RTN1: variants seen among roughly 807,000 people sequenced by gnomAD.
RTN1 encodes the protein reticulon-1.
RTN1 carries 25 observed loss-of-function variants against 65.5 expected under a neutral mutation model. That is an observed-to-expected ratio of 0.38 (90% CI 0.28 to 0.53). RTN1 has a LOEUF of 0.53. Among genes scored for constraint, RTN1 ranks in the 20% least tolerant of loss-of-function variants. The probability of loss-of-function intolerance (pLI) is 0.79; values close to 1 mark genes in which losing one functional copy is unlikely to be tolerated. For synonymous variants in RTN1, 471 were observed against 447.6 expected (o/e 1.05, Z -0.66); for missense variants, 983 against 1,025.4 (o/e 0.96, Z 0.57).
chr14:59,707,207 GA>G (rs1321655793), intron 3 of RTN1, among the ~76,000 whole-genome samples: 1 of 152,160 alleles, frequency 6.6e-6, no homozygotes, highest in Non-Finnish European at 1.5e-5. Context: ...GGTTAATGTT[GA>G]AACATAATTA....
At chr14:59,789,325 T>C (rs1886306437) in intron 1 of RTN1, among the ~76,000 whole-genome samples, 1 of 152,146 alleles carries the variant, frequency 6.6e-6, no homozygotes, top group Admixed American at 6.6e-5. Flanking sequence ...TTTAATGTTG[T>C]ATGATATATG....
At chr14:59,848,953 C>T (rs1202182475) in intron 1 of RTN1, among the ~76,000 whole-genome samples, 1 of 151,096 alleles carries the variant, frequency 6.6e-6, no homozygotes, top group South Asian at 2.1e-4. Context: ...GTCCCCACCC[C>T]CCCGGGAAGA....
intron 3 of RTN1, among the ~76,000 whole-genome samples, chr14:59,614,498 C>A (rs1205621200): frequency 6.6e-6 from 1 of 152,088 alleles, no homozygotes; most frequent in Non-Finnish European, 1.5e-5. Context: ...AAAATAGAAA[C>A]TTTAATGCCG....
At position 59,766,087 on chromosome 14, in the gene RTN1, G is replaced by A. The variant is rs1194234446; in HGVS notation, c.242-19606C>T. On this transcript the variant is annotated intron_variant, in intron 1 of 8. Coordinates refer to ENST00000267484, the MANE Select transcript of RTN1 (RefSeq NM_021136.3). This position sits in a 1 kb window ranked among gnomAD's most constrained non-coding sequence, Gnocchi z 4.4. ...TCTACTAAAAATACAAAAATTAGTC[G>A]GGCTTGGTGGTACACACTTGTAGTC... is the stretch of plus-strand genomic sequence containing the variant. 2.0e-5 allele frequency among the ~76,000 whole-genome samples: 3 copies of A among 152,080 alleles called. No individual in the cohort carries two copies. The highest frequency in any genetic ancestry group is 4.4e-5 in the Non-Finnish European group (3 of 68,018).
At chr14:59,819,216 G>T (rs1886877365) in intron 1 of RTN1, among the ~76,000 whole-genome samples, 1 of 152,110 alleles carries the variant, frequency 6.6e-6, no homozygotes, top group Non-Finnish European at 1.5e-5. Context: ...GTGAGCAGCA[G>T]CAAGATTTAT....
rs1207438971 is a variant in RTN1 at position 59,751,427 on chromosome 14, G to T, written c.242-4946C>A. On this transcript the variant is annotated intron_variant, in intron 1 of 8. Coordinates refer to ENST00000267484, the MANE Select transcript of RTN1 (RefSeq NM_021136.3). ...CTCAGCTTATAGGTAGACCTCATTG[G>T]AGGCAGGGAAATCAACCCGAGATAG... Among the ~76,000 whole-genome samples the T allele has an allele frequency of 5.3e-5, 8 of 152,096 alleles. 1 individual carries two copies. The South Asian group carries it at 1.5e-3, about 28-fold the overall frequency.
At chr14:59,628,049 A>C (rs1320137676) in intron 3 of RTN1, among the ~76,000 whole-genome samples, 1 of 151,410 alleles carries the variant, frequency 6.6e-6, no homozygotes, top group Non-Finnish European at 1.5e-5. Flanking sequence ...ATTATTACAC[A>C]CCATGCCGGG....
At chr14:59,614,038 A>C (rs1882036298) in intron 3 of RTN1, among the ~76,000 whole-genome samples, 1 of 152,114 alleles carries the variant, frequency 6.6e-6, no homozygotes, top group African/African-American at 2.4e-5. Flanking sequence ...TAGGAGAAGC[A>C]TGCTCTTGGC....
chr14:59,608,040 T>C (rs1427203795), intron 3 of RTN1, among the ~76,000 whole-genome samples: 1 of 151,074 alleles, frequency 6.6e-6, no homozygotes, highest in Non-Finnish European at 1.5e-5. Flanking sequence ...GCATCCACCA[T>C]TCAGTTATTA....
intron 3 of RTN1, among the ~76,000 whole-genome samples, chr14:59,701,478 C>T (rs895814018): frequency 6.6e-6 from 1 of 152,116 alleles, no homozygotes; most frequent in African/African-American, 2.4e-5. Context: ...CAATGGAATA[C>T]TATTTTGCCA....
Position 59,749,552 on chromosome 14 carries a change from TAG to T in RTN1, c.242-3073_242-3072del, listed in dbSNP as rs569869948. Among the ~76,000 whole-genome samples, 173 of 46,142 alleles carry T rather than the reference TAG, an allele frequency of 3.7e-3. 51 individuals are homozygous for T. Among genetic ancestry groups the T allele is most frequent in the African/African-American group, 0.024 (137 of 5,810 alleles). The allele number at this position is 46,142 out of a possible 152,430, so 30.3% of individuals were successfully genotyped here. On this transcript the variant is annotated intron_variant, in intron 1 of 8. Transcript: ENST00000267484. Reference sequence around the variant, plus strand: ...ATATATCTATCTATATATATTTATATAGATATCTATATATAGATATATATATA... The same window carrying T: ...ATATATCTATCTATATATATTTATATATATCTATATATAGATATATATATA...
chr14:59,686,653 A>G lies in RTN1; in HGVS notation c.1765+40266T>C, dbSNP rs560082650. 2.1e-4 allele frequency among the ~76,000 whole-genome samples: 32 copies of G among 152,350 alleles called. 1 individual carries two copies. The South Asian group carries it at 5.8e-3, about 28-fold the overall frequency. ...TCGTGACAGTGTCTGTCTGATAAAC[A>G]TAAGTGAAGCCCCAGCACATGAGAG... is the stretch of plus-strand genomic sequence containing the variant. On this transcript the variant is annotated intron_variant, in intron 3 of 8. Coordinates refer to ENST00000267484, the MANE Select transcript of RTN1 (RefSeq NM_021136.3).
At chr14:59,812,135 A>C (rs1175663242) in intron 1 of RTN1, among the ~76,000 whole-genome samples, 1 of 152,210 alleles carries the variant, frequency 6.6e-6, no homozygotes, top group Non-Finnish European at 1.5e-5. Context: ...CCAGGATTGC[A>C]CAAACAGCTG....
At chr14:59,741,145 T>C (rs931213001) in intron 2 of RTN1, among the ~76,000 whole-genome samples, 6 of 152,196 alleles carry the variant, frequency 3.9e-5, no homozygotes, top group Non-Finnish European at 5.9e-5. Flanking sequence ...AGTCTGATCC[T>C]GCCACACTTC....
At chr14:59,772,675 G>T (rs1414582429) in intron 1 of RTN1, among the ~76,000 whole-genome samples, 1 of 152,024 alleles carries the variant, frequency 6.6e-6, no homozygotes, top group Non-Finnish European at 1.5e-5. Context: ...GGAGAGCCTG[G>T]GCTGTAGAAA....
Position 59,822,805 on chromosome 14 carries a change from G to T in RTN1, c.241+47585C>A, listed in dbSNP as rs192200121. Reference sequence around the variant, plus strand: ...CAGGTTGTTTAATTTCGATGTAATTGTATGGCTCTGAGTGATCTTGGTATT... The same window carrying T: ...CAGGTTGTTTAATTTCGATGTAATTTTATGGCTCTGAGTGATCTTGGTATT... On this transcript the variant is annotated intron_variant, in intron 1 of 8. Transcript: ENST00000267484. 1.2e-3 allele frequency among the ~76,000 whole-genome samples: 183 copies of T among 151,354 alleles called. 1 individual carries two copies. Among genetic ancestry groups the T allele is most frequent in the African/African-American group, 4.4e-3 (181 of 41,332 alleles).
At chr14:59,634,029 G>C (rs568268648) in intron 3 of RTN1, among the ~76,000 whole-genome samples, 1 of 152,286 alleles carries the variant, frequency 6.6e-6, no homozygotes, top group African/African-American at 2.4e-5. Flanking sequence ...TGGTGTTTAT[G>C]TGTGGGCAAA....
chr14:59,611,088 G>T (rs1371440501), intron 3 of RTN1, among the ~76,000 whole-genome samples: 1 of 152,158 alleles, frequency 6.6e-6, no homozygotes, highest in Admixed American at 6.5e-5. Flanking sequence ...ACAAAACTTG[G>T]TTCTCCCACA....
At chr14:59,702,013 C>CA (rs1311888848) in intron 3 of RTN1, among the ~76,000 whole-genome samples, 1 of 151,736 alleles carries the variant, frequency 6.6e-6, no homozygotes, top group Non-Finnish European at 1.5e-5. Context: ...TCGCCTTTTA[C>CA]AAAAAAAATT....
Sources: allele counts gnomAD v4.1 joint callset (sites outside exome capture counted in the v4.1 genomes callset), GRCh38; gene constraint gnomAD v4.1.1; non-coding constraint Gnocchi (gnomAD v3.1); transcripts MANE v1.5; gene names NCBI Gene and HGNC (gene_info 2026-07-23, HGNC 2026-07-21).